Variants in IL1RAPL1 observed in about 807,000 individuals in gnomAD.
The protein encoded by IL1RAPL1 is interleukin 1 receptor accessory protein like 1.
IL1RAPL1 carries 3 observed loss-of-function variants against 48.4 expected under a neutral mutation model. That is an observed-to-expected ratio of 0.06 (90% CI 0.03 to 0.16). The LOEUF is 0.16. IL1RAPL1 is among the 10% of genes least tolerant of loss of function. The probability of loss-of-function intolerance (pLI) is 1.00; values close to 1 mark genes in which losing one functional copy is unlikely to be tolerated. For missense variants in IL1RAPL1, 349 were observed against 530.6 expected (o/e 0.66, Z 3.36); for synonymous variants, 185 against 187.7 (o/e 0.99, Z 0.12).
At chrX:29,645,465 G>A (rs1925290524) in intron 5 of IL1RAPL1, among the ~76,000 whole-genome samples, 1 of 111,440 alleles carries the variant, frequency 9.0e-6, no homozygotes, top group Admixed American at 9.6e-5. Context: ...AGAGAGGGAA[G>A]TAAGCATAAG....
intron 6 of IL1RAPL1, among the ~76,000 whole-genome samples, chrX:29,854,169 A>C (rs939616243): frequency 8.9e-6 from 1 of 112,190 alleles, no homozygotes; most frequent in African/African-American, 3.2e-5. Context: ...TTCCAGGAGA[A>C]AGACTTTATT....
At chrX:28,826,870 A>AT (rs1936998880) in intron 2 of IL1RAPL1, among the ~76,000 whole-genome samples, 1 of 111,115 alleles carries the variant, frequency 9.0e-6, no homozygotes, top group Admixed American at 9.6e-5. Context: ...GTAGTAATAT[A>AT]GGGAGAGAGA....
intron 2 of IL1RAPL1, among the ~76,000 whole-genome samples, chrX:28,802,616 T>A (rs1228282311): frequency 2.7e-5 from 3 of 112,506 alleles, no homozygotes; most frequent in African/African-American, 9.7e-5. Context: ...ATTCCACTTA[T>A]TTTGTATTCC....
intron 2 of IL1RAPL1, among the ~76,000 whole-genome samples, chrX:29,085,638 T>G (rs1384096031): frequency 1.8e-5 from 2 of 111,762 alleles, no homozygotes; most frequent in Non-Finnish European, 3.8e-5. Context: ...CTGAAAATGT[T>G]GACAGTTTAT....
chrX:28,836,231 G>T (rs1921203185), intron 2 of IL1RAPL1, among the ~76,000 whole-genome samples: 2 of 108,500 alleles, frequency 1.8e-5, no homozygotes, highest in African/African-American at 6.7e-5. Flanking sequence ...TAGCATTCAT[G>T]TAAGTGTGTT....
At chrX:29,760,101 T>C (rs1928719700) in intron 6 of IL1RAPL1, among the ~76,000 whole-genome samples, 2 of 111,923 alleles carry the variant, frequency 1.8e-5, no homozygotes, top group Admixed American at 1.9e-4. Context: ...AGTGTCACAA[T>C]ATAGCAGGAG....
chrX:29,081,025 T>TCTCTCTCTCTCTCTCTCTC (rs56240244), intron 2 of IL1RAPL1, among the ~76,000 whole-genome samples: 1 of 44,585 alleles, frequency 2.2e-5, no homozygotes, highest in African/African-American at 6.3e-5. Context: ...TCTCTCTTTC[T>TCTCTCTCTCTCTCTCTCTC]TTTCTTTTCT....
In IL1RAPL1 at chrX:29,690,075, CTTA is replaced by C. The variant is rs745560485; in HGVS notation, c.778+21574_778+21576del. Among the ~76,000 whole-genome samples the C allele has an allele frequency of 5.4e-5, 6 of 111,606 alleles. No individual in the cohort carries two copies. The East Asian group carries it at 1.4e-3, about 26-fold the overall frequency. On this transcript the variant is annotated intron_variant, in intron 6 of 10. Coordinates refer to ENST00000378993, the MANE Select transcript of IL1RAPL1 (RefSeq NM_014271.4). ...AATTGACTTTCAGAGAAGTATAAAT[CTTA>C]TTGTTGTGTAGACTAATGCTAAGTA...
chrX:29,744,809 G>T (rs1220838976), intron 6 of IL1RAPL1, among the ~76,000 whole-genome samples: 2 of 112,259 alleles, frequency 1.8e-5, no homozygotes, highest in Non-Finnish European at 3.8e-5. Flanking sequence ...AATAATTTGT[G>T]ATGGAAATAA....
intron 5 of IL1RAPL1, among the ~76,000 whole-genome samples, chrX:29,552,267 T>G (rs1470019705): frequency 8.9e-6 from 1 of 111,807 alleles, no homozygotes; most frequent in Non-Finnish European, 1.9e-5. Context: ...AAATACATTT[T>G]ATATGCCATT....
At chrX:29,928,519 T>C (rs1392503273) in intron 8 of IL1RAPL1, among the ~76,000 whole-genome samples, 1 of 112,170 alleles carries the variant, frequency 8.9e-6, no homozygotes, top group Non-Finnish European at 1.9e-5. Flanking sequence ...TTAAAAGAGA[T>C]AATTCATATA....
At chrX:28,870,522 T>C in intron 2 of IL1RAPL1, among the ~76,000 whole-genome samples, 1 of 112,105 alleles carries the variant, frequency 8.9e-6, no homozygotes, top group South Asian at 3.7e-4. Flanking sequence ...AAAAGAGTTT[T>C]GTGATTCTTA....
At chrX:29,811,440 G>A (rs1930379501) in intron 6 of IL1RAPL1, among the ~76,000 whole-genome samples, 1 of 97,989 alleles carries the variant, frequency 1.0e-5, no homozygotes. Flanking sequence ...GCCTTTTCAC[G>A]TTTTTTTTTT....
At chrX:28,893,982 C>T (rs1156818198) in intron 2 of IL1RAPL1, among the ~76,000 whole-genome samples, 1 of 111,880 alleles carries the variant, frequency 8.9e-6, no homozygotes, top group East Asian at 2.8e-4. Flanking sequence ...GTCTAGCCAC[C>T]TTATCAGCAT....
chrX:29,169,642 G>A (rs185445682), intron 2 of IL1RAPL1, among the ~76,000 whole-genome samples: 1 of 110,788 alleles, frequency 9.0e-6, no homozygotes. Context: ...ATTTCTTAAA[G>A]AGTATTCATC....
chrX:28,873,689 A>G (rs764024437), intron 2 of IL1RAPL1, among the ~76,000 whole-genome samples: 234 of 106,439 alleles, frequency 2.2e-3, no homozygotes, highest in Admixed American at 3.4e-3. Flanking sequence ...CCGCCACCAC[A>G]GCCGGCTAAT....
intron 1 of IL1RAPL1, among the ~76,000 whole-genome samples, chrX:28,731,358 A>G (rs1935753486): frequency 8.9e-6 from 1 of 111,744 alleles, no homozygotes; most frequent in African/African-American, 3.3e-5. Context: ...AATGATTGCT[A>G]GCTAGTATTT....
At chrX:29,569,264 T>C (rs191763986) in intron 5 of IL1RAPL1, among the ~76,000 whole-genome samples, 22 of 110,892 alleles carry the variant, frequency 2.0e-4, no homozygotes, top group African/African-American at 6.5e-4. Context: ...TAGAGTATGA[T>C]TGAAAAAAAT....
intron 2 of IL1RAPL1, among the ~76,000 whole-genome samples, chrX:29,111,696 A>G (rs1928570334): frequency 9.0e-6 from 1 of 111,172 alleles, no homozygotes; most frequent in Non-Finnish European, 1.9e-5. Flanking sequence ...TTCACAAATA[A>G]CGCTAAGATG....
Sources: allele counts gnomAD v4.1 joint callset (sites outside exome capture counted in the v4.1 genomes callset), GRCh38; gene constraint gnomAD v4.1.1; transcripts MANE v1.5; gene names NCBI Gene and HGNC (gene_info 2026-07-23, HGNC 2026-07-21).